DDX60L: variants seen among roughly 807,000 people sequenced by gnomAD.
DDX60L encodes the protein probable ATP-dependent RNA helicase DDX60-like.
A neutral mutation model predicts 211.6 loss-of-function variants in DDX60L; 191 were observed. The observed-to-expected ratio is 0.90, with a 90% CI of 0.80 to 1.02. The LOEUF (loss-of-function observed/expected upper bound fraction) is 1.02, where lower values mean the gene tolerates loss of function less well. Ranked by LOEUF, DDX60L falls within the 50% of genes least tolerant of loss-of-function variation. The pLI is 0.00. For missense variants in DDX60L, 2,007 were observed against 1,984.1 expected (o/e 1.01, Z -0.22); for synonymous variants, 706 against 694.1 (o/e 1.02, Z -0.27).
intron 4 of DDX60L, among the ~76,000 whole-genome samples, chr4:168,465,479 G>A (rs917682521): frequency 6.6e-6 from 1 of 151,798 alleles, no homozygotes; most frequent in African/African-American, 2.4e-5. Context: ...CCTTTCCTGT[G>A]CGGAAACTTT....
chr4:168,376,906 T>C (rs1346673223), intron 33 of DDX60L, among the ~76,000 whole-genome samples: 1 of 152,250 alleles, frequency 6.6e-6, no homozygotes, highest in Non-Finnish European at 1.5e-5. Context: ...TATAGAGCAG[T>C]TATCCCAAAT....
chr4:168,413,689 AAAAAG>A (rs1377053092), intron 22 of DDX60L, among the ~76,000 whole-genome samples: 2 of 151,988 alleles, frequency 1.3e-5, no homozygotes, highest in Non-Finnish European at 2.9e-5. Flanking sequence ...TCAAAAGAGA[AAAAAG>A]AAAAGAGAAT....
intron 1 of DDX60L, among the ~76,000 whole-genome samples, chr4:168,480,028 G>C (rs1014389252): frequency 6.6e-6 from 1 of 150,910 alleles, no homozygotes; most frequent in Non-Finnish European, 1.5e-5. Context: ...GGAAAAAAGG[G>C]AAGCGGCTTG....
At chr4:168,405,204 C>T (rs557421978) in intron 24 of DDX60L, among the ~76,000 whole-genome samples, 9 of 152,058 alleles carry the variant, frequency 5.9e-5, no homozygotes, top group Non-Finnish European at 1.2e-4. Context: ...GACAGGATTT[C>T]ACCATGTTGG....
chr4:168,411,702 GT>G (rs1748701011), intron 22 of DDX60L, among the ~76,000 whole-genome samples: 1 of 152,146 alleles, frequency 6.6e-6, no homozygotes, highest in African/African-American at 2.4e-5. Flanking sequence ...TCATGGTGCT[GT>G]GCTGGGCTCA....
chr4:168,439,131 A>C (rs1465563469), intron 10 of DDX60L, among the ~76,000 whole-genome samples: 1 of 152,124 alleles, frequency 6.6e-6, no homozygotes, highest in Non-Finnish European at 1.5e-5. Flanking sequence ...AGTATGGTTT[A>C]AGGATATGTA....
chr4:168,385,887 T>C (rs1314301659), intron 29 of DDX60L, among the ~76,000 whole-genome samples: 2 of 151,958 alleles, frequency 1.3e-5, no homozygotes. Context: ...AAATGGAATC[T>C]GCTCTAAAGG....
chr4:168,382,297 C>A (rs995968929), intron 30 of DDX60L, among the ~76,000 whole-genome samples: 4 of 152,152 alleles, frequency 2.6e-5, no homozygotes, highest in Admixed American at 1.3e-4. Flanking sequence ...CACTTACCCA[C>A]ATTTAGGTAG....
intron 5 of DDX60L, among the ~76,000 whole-genome samples, chr4:168,459,075 T>C (rs933275278): frequency 1.3e-5 from 2 of 152,270 alleles, no homozygotes; most frequent in South Asian, 4.1e-4. Flanking sequence ...ATCTATAATA[T>C]TTATTGAGAC....
chr4:168,390,369 C>T, intron 29 of DDX60L: 3 of 1,182,156 alleles, frequency 2.5e-6, no homozygotes, highest in Non-Finnish European at 3.1e-6. Flanking sequence ...CATAACAGAA[C>T]ATGGTAAAAG....
intron 9 of DDX60L, among the ~76,000 whole-genome samples, chr4:168,447,682 G>A (rs963264318): frequency 4.0e-5 from 6 of 151,084 alleles, no homozygotes; most frequent in African/African-American, 1.5e-4. Flanking sequence ...ATACACCATG[G>A]AATACTATGC....
Position 168,415,441 on chromosome 4 carries a change from A to G in DDX60L, c.2946T>C (p.His982=). The change falls in exon 22 of 38, where the codon CAT becomes CAC. Residue 982 remains histidine, a synonymous_variant. Transcript: ENST00000682922. ...SVKHDDVYFD[H]FHPCAALTTD... is the part of the protein sequence containing the mutation. ...TCGTTAGCGCAGCACAGGGATGAAA[A>G]TGATCAAAATAAACATCATCATGTT... 3 of 1,607,812 alleles carry G rather than the reference A, an allele frequency of 1.9e-6. No individual in the cohort carries two copies. Among genetic ancestry groups the G allele is most frequent in the South Asian group, 1.1e-5 (1 of 90,140 alleles).
At chr4:168,447,935 G>A (rs1347440876) in intron 9 of DDX60L, among the ~76,000 whole-genome samples, 1 of 149,612 alleles carries the variant, frequency 6.7e-6, no homozygotes, top group South Asian at 2.1e-4. Context: ...GCTAGATGAC[G>A]AGTTAGTGGG....
At chr4:168,461,023 C>G (rs1262782313) in intron 5 of DDX60L, among the ~76,000 whole-genome samples, 2 of 152,194 alleles carry the variant, frequency 1.3e-5, no homozygotes, top group Admixed American at 6.5e-5. Context: ...GTGCACCACC[C>G]TCCCAGGACT....
chr4:168,383,064 G>C (rs745474949), intron 30 of DDX60L, among the ~76,000 whole-genome samples: 1 of 152,172 alleles, frequency 6.6e-6, no homozygotes, highest in African/African-American at 2.4e-5. Context: ...AAGTTAAATA[G>C]TCAGTAAATA....
chr4:168,446,037 A>G lies in DDX60L; in HGVS notation c.1138+2601T>C, dbSNP rs533430509. Among the ~76,000 whole-genome samples the G allele has an allele frequency of 3.0e-3, 452 of 149,950 alleles. 2 individuals are homozygous for G. Among genetic ancestry groups the G allele is most frequent in the Non-Finnish European group, 5.4e-3 (362 of 67,628 alleles). On this transcript the variant is annotated intron_variant, in intron 9 of 37. Coordinates refer to ENST00000682922, the MANE Select transcript of DDX60L (RefSeq NM_001012967.3). ...GTTGGAAGTTCTGGCCAGGGCAATT[A>G]GGCAGGAGAAGGAAATAAAGAGTAT...
At chr4:168,465,020 G>A (rs2150115497) in intron 4 of DDX60L, among the ~76,000 whole-genome samples, 1 of 152,074 alleles carries the variant, frequency 6.6e-6, no homozygotes, top group South Asian at 2.1e-4. Flanking sequence ...ATCTAGTAGT[G>A]GAGTTGCTGG....
At chr4:168,456,268 G>T in intron 6 of DDX60L, 116 bp from the exon 7 acceptor site, 1 of 485,180 alleles carries the variant, frequency 2.1e-6, no homozygotes. Context: ...TGACTAAACG[G>T]AACTTCAAAT....
chr4:168,476,416 C>A (rs2150164639), intron 1 of DDX60L, among the ~76,000 whole-genome samples: 1 of 152,238 alleles, frequency 6.6e-6, no homozygotes, highest in African/African-American at 2.4e-5. Context: ...GCAAGACATT[C>A]TCTGTCTCTG....
Sources: allele counts gnomAD v4.1 joint callset (sites outside exome capture counted in the v4.1 genomes callset), GRCh38; gene constraint gnomAD v4.1.1; transcripts MANE v1.5; gene names NCBI Gene and HGNC (gene_info 2026-07-23, HGNC 2026-07-21).